Variants in LINGO2 observed in about 807,000 individuals in gnomAD.
LINGO2 encodes the protein leucine-rich repeat and immunoglobulin-like domain-containing nogo receptor-interacting protein 2.
A neutral mutation model predicts 30.6 loss-of-function variants in LINGO2; 14 were observed. The observed-to-expected ratio is 0.46, with a 90% CI of 0.30 to 0.72. The LOEUF is 0.72. Ranked by LOEUF, LINGO2 falls within the 30% of genes least tolerant of loss-of-function variation. LINGO2 has a pLI of 0.07. For synonymous variants in LINGO2, 317 were observed against 288.5 expected (o/e 1.10, Z -1.00); for missense variants, 729 against 751.7 (o/e 0.97, Z 0.35).
chr9:28,436,542 C>G (rs1485684916), intron 2 of LINGO2, among the ~76,000 whole-genome samples: 3 of 151,932 alleles, frequency 2.0e-5, no homozygotes, highest in Non-Finnish European at 4.4e-5. Context: ...ACTGTAAGCT[C>G]CGCCTCCCGG....
At chr9:28,824,146 A>G in the LINGO2 span, among the ~76,000 whole-genome samples, 2 of 152,134 alleles carry the variant, frequency 1.3e-5, no homozygotes, top group African/African-American at 2.4e-5. Flanking sequence ...CACGGTAATA[A>G]CTGACAAAAG....
the LINGO2 span, among the ~76,000 whole-genome samples, chr9:28,714,198 C>CACACACACAT: frequency 0.028 from 1,760 of 63,932 alleles, 59 homozygotes; most frequent in African/African-American, 0.13. Flanking sequence ...TACACACATA[C>CACACACACAT]ACACACACAC....
At chr9:28,807,647 T>C in the LINGO2 span, among the ~76,000 whole-genome samples, 1 of 152,122 alleles carries the variant, frequency 6.6e-6, no homozygotes, top group African/African-American at 2.4e-5. Flanking sequence ...AAACAAATAA[T>C]TGAGAATAAC....
At chr9:28,622,728 ATT>A (rs36004975) in intron 1 of LINGO2, among the ~76,000 whole-genome samples, 2,847 of 144,606 alleles carry the variant, frequency 0.02, 88 homozygotes, top group African/African-American at 0.068. Flanking sequence ...TGGCAGCTCT[ATT>A]TTTTTTTTTT....
At chr9:29,146,858 T>C in the LINGO2 span, among the ~76,000 whole-genome samples, 1 of 152,106 alleles carries the variant, frequency 6.6e-6, no homozygotes, top group Non-Finnish European at 1.5e-5. Context: ...AATGGAGAAA[T>C]ACACAAAACA....
chr9:28,741,612 T>A, the LINGO2 span, among the ~76,000 whole-genome samples: 1 of 151,854 alleles, frequency 6.6e-6, no homozygotes, highest in African/African-American at 2.4e-5. Flanking sequence ...GTCAGCCTGG[T>A]ATAGGGTGAC....
chr9:28,631,371 T>C (rs142098207), intron 1 of LINGO2, among the ~76,000 whole-genome samples: 1,552 of 150,630 alleles, frequency 0.01, 26 homozygotes, highest in African/African-American at 0.036. Flanking sequence ...ATGTGTTCTA[T>C]GGTTTTAGGT....
the LINGO2 span, among the ~76,000 whole-genome samples, chr9:29,195,237 G>A: frequency 6.6e-6 from 1 of 151,938 alleles, no homozygotes; most frequent in Non-Finnish European, 1.5e-5. Flanking sequence ...TCTACGCAGT[G>A]GATACCACAG....
At chr9:29,016,667 A>G in the LINGO2 span, among the ~76,000 whole-genome samples, 64 of 152,284 alleles carry the variant, frequency 4.2e-4, no homozygotes, top group Non-Finnish European at 7.5e-4. Flanking sequence ...ACCAACAAAA[A>G]GCATCTATAG....
chr9:28,780,608 T>C, the LINGO2 span, among the ~76,000 whole-genome samples: 1 of 152,266 alleles, frequency 6.6e-6, no homozygotes, highest in South Asian at 2.1e-4. Flanking sequence ...ACTTGCTTTC[T>C]TACCCTGATT....
chr9:28,606,511 T>C (rs975586766), intron 1 of LINGO2, among the ~76,000 whole-genome samples: 12 of 152,028 alleles, frequency 7.9e-5, no homozygotes, highest in African/African-American at 2.7e-4. Flanking sequence ...TTTTTAACTA[T>C]GCCAAGTGGG....
At chr9:28,838,502 T>C in the LINGO2 span, among the ~76,000 whole-genome samples, 1 of 152,302 alleles carries the variant, frequency 6.6e-6, no homozygotes, top group Non-Finnish European at 1.5e-5. Context: ...CATCCAAATA[T>C]GTCCCAAAAC....
intron 3 of LINGO2, among the ~76,000 whole-genome samples, chr9:28,324,234 T>C (rs1242288450): frequency 6.6e-6 from 1 of 152,124 alleles, no homozygotes; most frequent in Non-Finnish European, 1.5e-5. Context: ...TTGTTGGTGT[T>C]TTTAAAAAAA....
chr9:28,593,806 C>T (rs982946473), intron 1 of LINGO2, among the ~76,000 whole-genome samples: 2 of 152,008 alleles, frequency 1.3e-5, no homozygotes, highest in African/African-American at 4.8e-5. Flanking sequence ...GAATTCCCAA[C>T]ATTGACATAT....
rs139933257 is a variant in LINGO2, at chr9:27,971,382, T to G, written c.-35-20676A>C. 5.7e-3 allele frequency among the ~76,000 whole-genome samples: 867 copies of G among 152,198 alleles called. 6 individuals are homozygous for G. Among genetic ancestry groups the G allele is most frequent in the African/African-American group, 0.02 (833 of 41,526 alleles). ...CCGCATGTGAAAAATGATTTGAAATTTAAATTTTATTATTTTTTAGATTGA... is the reference window on the plus strand; with the variant it reads ...CCGCATGTGAAAAATGATTTGAAATGTAAATTTTATTATTTTTTAGATTGA... On this transcript the variant is annotated intron_variant, in intron 5 of 5. Transcript: ENST00000379992.
the LINGO2 span, among the ~76,000 whole-genome samples, chr9:29,090,238 A>G: frequency 1.7e-4 from 26 of 152,114 alleles, no homozygotes; most frequent in African/African-American, 6.3e-4. Context: ...GATACACATC[A>G]TGCTTTTTCA....
chr9:28,855,214 A>C, the LINGO2 span, among the ~76,000 whole-genome samples: 1 of 151,956 alleles, frequency 6.6e-6, no homozygotes, highest in African/African-American at 2.4e-5. Flanking sequence ...CGATCCTCCA[A>C]GGATGTAAAT....
intron 2 of LINGO2, among the ~76,000 whole-genome samples, chr9:28,415,304 A>G (rs1426432133): frequency 6.6e-6 from 1 of 152,180 alleles, no homozygotes; most frequent in African/African-American, 2.4e-5. Flanking sequence ...CTCCCTCTCC[A>G]GCCTGTCTAC....
the LINGO2 span, among the ~76,000 whole-genome samples, chr9:29,008,385 A>G: frequency 6.6e-6 from 1 of 152,190 alleles, no homozygotes. Flanking sequence ...CACAAAAAAC[A>G]TACACGTGGA....
Sources: gnomAD v4.1 joint callset for allele counts (sites outside exome capture counted in the v4.1 genomes callset) on GRCh38, gnomAD v4.1.1 for gene constraint, MANE v1.5 for transcripts, NCBI Gene and HGNC (gene_info 2026-07-23, HGNC 2026-07-21) for gene names.